Variants in STARD9 observed in about 807,000 individuals in gnomAD.
STARD9 encodes the protein stAR-related lipid transfer protein 9.
A neutral mutation model predicts 399.8 loss-of-function variants in STARD9; 346 were observed. The observed-to-expected ratio is 0.87, with a 90% CI of 0.79 to 0.95. The LOEUF (loss-of-function observed/expected upper bound fraction) is 0.95. Among genes scored for constraint, STARD9 ranks in the 40% least tolerant of loss-of-function variants. The pLI is 0.00. For synonymous variants in STARD9, 2,203 were observed against 2,143.5 expected (o/e 1.03, Z -0.77); for missense variants, 5,832 against 5,667.5 (o/e 1.03, Z -0.93).
At position 42,711,296 on chromosome 15, in the gene STARD9, C is replaced by T. The variant is rs574376893; in HGVS notation, c.13285-5381C>T. Among the ~76,000 whole-genome samples, 7 of 152,184 alleles carry T rather than the reference C, an allele frequency of 4.6e-5. No individual in the cohort carries two copies. In the East Asian group the frequency reaches 7.7e-4, roughly 17 times the overall value. Reference sequence around the variant, plus strand: ...CTGGGATTACAGGCATCCGCCACCACGCCCCGCTAATTTTTTGTATTTTTA... The same window carrying T: ...CTGGGATTACAGGCATCCGCCACCATGCCCCGCTAATTTTTTGTATTTTTA... On this transcript the variant is annotated intron_variant, in intron 26 of 32. Coordinates refer to ENST00000290607, the MANE Select transcript of STARD9 (RefSeq NM_020759.3).
At chr15:42,578,626 T>G (rs368247671) in intron 1 of STARD9, among the ~76,000 whole-genome samples, 981 of 89,898 alleles carry the variant, frequency 0.011, 5 homozygotes, top group African/African-American at 0.049. Context: ...TATAGCTTTG[T>G]TTTTTTTTTT....
chr15:42,648,216 G>A (rs1262297486), intron 7 of STARD9, among the ~76,000 whole-genome samples: 1 of 152,302 alleles, frequency 6.6e-6, no homozygotes, highest in East Asian at 1.9e-4. Flanking sequence ...AGGTTAGAGT[G>A]CAGTGGCGCG....
rs542815043 is a variant in STARD9 at position 42,685,056 on chromosome 15, A to C, written c.3478A>C (p.Lys1160Gln). ...SLAEKRYQSP[K>Q]NRLGGNRPTN... Reference sequence around the variant, plus strand: ...GGCTGAGAAGAGGTACCAAAGCCCCAAAAACAGGCTAGGGGGCAATCGTCC... The same window carrying C: ...GGCTGAGAAGAGGTACCAAAGCCCCCAAAACAGGCTAGGGGGCAATCGTCC... The change falls in exon 23 of 33, where the codon AAA becomes CAA. Residue 1160 changes from lysine to glutamine, a missense_variant. Coordinates refer to ENST00000290607, the MANE Select transcript of STARD9 (RefSeq NM_020759.3). The C allele has an allele frequency of 1.2e-5, 18 of 1,537,230 alleles. No homozygotes were observed. In the African/African-American group the frequency reaches 1.4e-4, roughly 12 times the overall value.
At chr15:42,677,913 G>A (rs1293737694) in intron 20 of STARD9, among the ~76,000 whole-genome samples, 3 of 152,186 alleles carry the variant, frequency 2.0e-5, no homozygotes, top group Non-Finnish European at 4.4e-5. Context: ...ATGGTGTTGT[G>A]CTCTTCTCTT....
Position 42,688,835 on chromosome 15 carries a change from T to C in STARD9, c.7257T>C (p.His2419=), listed in dbSNP as rs1269092921. 1.3e-6 allele frequency: 2 copies of C among 1,537,158 alleles called. No homozygotes were observed. The highest frequency in any genetic ancestry group is 2.4e-5 in the East Asian group (1 of 40,920). ...GSVRSMAMGS[H]SQSGVPESIP... ...TGCGATCCATGGCCATGGGATCTCA[T>C]AGTCAATCTGGTGTACCAGAGAGCA... The change falls in exon 23 of 33, where the codon CAT becomes CAC. Residue 2419 remains histidine (H), a synonymous_variant. Coordinates refer to ENST00000290607, the MANE Select transcript of STARD9 (RefSeq NM_020759.3).
Position 42,686,903 on chromosome 15 carries a change from C to G in STARD9, c.5325C>G (p.Pro1775=). 6.5e-7 allele frequency: 1 copy of G among 1,536,806 alleles called. No individual in the cohort carries two copies. Among genetic ancestry groups the G allele is most frequent in the Non-Finnish European group, 8.7e-7 (1 of 1,146,864 alleles). Residue 1775 remains proline, a synonymous_variant, in exon 23 of 33, where the codon CCC becomes CCG. Coordinates refer to ENST00000290607, the MANE Select transcript of STARD9 (RefSeq NM_020759.3). Reference sequence around the variant, plus strand: ...GAGAAGTAAGGGTACCCTCCCCACCCCCCAGGGAAGCCTGGGGCTTTGGTC... The same window carrying G: ...GAGAAGTAAGGGTACCCTCCCCACCGCCCAGGGAAGCCTGGGGCTTTGGTC... The part of the protein sequence containing the change: ...ACREVRVPSP[P]PREAWGFGHN...
chr15:42,688,649 A>T lies in STARD9; in HGVS notation c.7071A>T (p.Ser2357=). ...LHVPVALGIS[S]LDCVLDLTML... is the part of the protein sequence containing the mutation. ...TACCTGTTGCTCTAGGCATCTCTTC[A>T]CTTGACTGTGTGCTGGATCTCACAA... The change falls in exon 23 of 33, where the codon TCA becomes TCT. Residue 2357 remains serine, a synonymous_variant. Transcript: ENST00000290607. The T allele has an allele frequency of 6.5e-7, 1 of 1,537,620 alleles. No homozygotes were observed. Among genetic ancestry groups the T allele is most frequent in the Non-Finnish European group, 8.7e-7 (1 of 1,146,984 alleles).
chr15:42,636,450 G>A (rs564661828), intron 4 of STARD9, among the ~76,000 whole-genome samples: 220 of 152,138 alleles, frequency 1.4e-3, no homozygotes, highest in Non-Finnish European at 2.2e-3. Flanking sequence ...ACATGGTGGC[G>A]TGCGCCTGTA....
chr15:42,667,164 G>A (rs892963343), intron 15 of STARD9, among the ~76,000 whole-genome samples: 1 of 149,814 alleles, frequency 6.7e-6, no homozygotes. Context: ...TTTTGTTGAC[G>A]GATTAGATTT....
chr15:42,659,685 T>C (rs1595722536), intron 9 of STARD9, among the ~76,000 whole-genome samples: 4 of 152,016 alleles, frequency 2.6e-5, no homozygotes, highest in Non-Finnish European at 5.9e-5. Context: ...GCCACCACGC[T>C]TGGCTAATTT....
rs558007975 is a variant in STARD9 at position 42,637,838 on chromosome 15, C to A, written c.352-69C>A. 3,728 of 1,487,406 alleles carry A rather than the reference C, an allele frequency of 2.5e-3. 7 individuals are homozygous for A. The highest frequency in any genetic ancestry group is 3.1e-3 in the Non-Finnish European group (3,462 of 1,101,930). 92.1% of individuals were successfully genotyped at this position (1,487,406 alleles called of 1,614,324 possible). On this transcript the variant is annotated intron_variant, in intron 4 of 32. Coordinates refer to ENST00000290607, the MANE Select transcript of STARD9 (RefSeq NM_020759.3). The stretch of plus-strand genomic sequence containing the variant: ...TCATCCCCCATGCTGAGGATGGTTC[C>A]TGGGTATTCTGTGGGGGAGAGCATC...
At chr15:42,644,874 A>G (rs2059616976) in intron 7 of STARD9, among the ~76,000 whole-genome samples, 2 of 152,178 alleles carry the variant, frequency 1.3e-5, no homozygotes, top group Non-Finnish European at 2.9e-5. Context: ...GTCATTTCAC[A>G]CAGCATCTTC....
In STARD9 at chr15:42,687,151, T is replaced by A; in HGVS notation, c.5573T>A (p.Leu1858His). The A allele has an allele frequency of 6.5e-7, 1 of 1,537,246 alleles. No homozygotes were observed. ...YSSVTQNRHF[L>H]PSTSTKVCEF... ...TCTGTTACTCAGAACAGACATTTTCTCCCCTCTACCAGCACAAAAGTATGT... is the reference window on the plus strand; with the variant it reads ...TCTGTTACTCAGAACAGACATTTTCACCCCTCTACCAGCACAAAAGTATGT... Residue 1858 changes from leucine to histidine, a missense_variant, in exon 23 of 33, where the codon CTC (leucine) becomes CAC (histidine). Around this residue, in one of 2 missense-constraint regions of STARD9, gnomAD observed 5,828 missense variants for 5,651.1 expected, o/e 1.03. Transcript: ENST00000290607.
chr15:42,706,941 T>C (rs960748669), intron 26 of STARD9, among the ~76,000 whole-genome samples: 1 of 152,178 alleles, frequency 6.6e-6, no homozygotes, highest in Non-Finnish European at 1.5e-5. Context: ...CTGGAATAAA[T>C]CCTATAATAT....
chr15:42,634,051 C>T (rs542369195), intron 3 of STARD9, among the ~76,000 whole-genome samples: 1 of 152,172 alleles, frequency 6.6e-6, no homozygotes, highest in South Asian at 2.1e-4. Context: ...CCAAGACTGA[C>T]ACAACCAAAG....
chr15:42,580,893 C>G (rs1172788967), intron 1 of STARD9, among the ~76,000 whole-genome samples: 1 of 152,132 alleles, frequency 6.6e-6, no homozygotes, highest in Non-Finnish European at 1.5e-5. Context: ...ACACCAAGGG[C>G]CTTCAATCTA....
chr15:42,629,344 C>G (rs2059285284), intron 3 of STARD9, among the ~76,000 whole-genome samples: 2 of 152,082 alleles, frequency 1.3e-5, no homozygotes, highest in South Asian at 4.1e-4. Context: ...AGAGGTCTTT[C>G]ATTTTGGTTA....
intron 2 of STARD9, among the ~76,000 whole-genome samples, chr15:42,584,965 A>G (rs1397795991): frequency 6.6e-6 from 1 of 152,222 alleles, no homozygotes; most frequent in Non-Finnish European, 1.5e-5. Context: ...GGAAAGTTTC[A>G]CAGCTGGCTT....
In STARD9 at chr15:42,695,243, C is replaced by G. The variant is rs539746554; in HGVS notation, c.13066C>G (p.Arg4356Gly). The change falls in exon 25 of 33, where the codon CGG (arginine) becomes GGG (glycine). Residue 4356 changes from arginine to glycine, a missense_variant. Arg to Gly is a moderately radical substitution (Grantham distance 125). Around this residue, in one of 2 missense-constraint regions of STARD9, gnomAD observed 5,828 missense variants for 5,651.1 expected, o/e 1.03. Transcript: ENST00000290607. ...AHEEAKVEIA[R>G]ARDQLRERTE... ...TGAGGAGGCCAAGGTGGAGATTGCC[C>G]GGGCCCGAGACCAACTGCGGGAGCG... 1.5e-5 allele frequency: 23 copies of G among 1,537,000 alleles called. No individual in the cohort carries two copies. The Admixed American group carries it at 1.6e-4, about 10-fold the overall frequency.
Sources: allele counts gnomAD v4.1 joint callset (sites outside exome capture counted in the v4.1 genomes callset), GRCh38; gene constraint gnomAD v4.1.1; regional missense constraint gnomAD v4.1.1; transcripts MANE v1.5; gene names NCBI Gene and HGNC (gene_info 2026-07-23, HGNC 2026-07-21).